The following RAB8B variants were observed in gnomAD, a reference collection of about 807,000 sequenced individuals.
RAB8B encodes ras-related protein Rab-8B.
In RAB8B, 11 loss-of-function variants were observed where a neutral mutation model predicts 32.0. That is an observed-to-expected ratio of 0.34 (90% CI 0.22 to 0.57). The LOEUF (loss-of-function observed/expected upper bound fraction) is 0.57. Among genes scored for constraint, RAB8B ranks in the 20% least tolerant of loss-of-function variants. RAB8B has a pLI of 0.86. For missense variants in RAB8B, 190 were observed against 258.5 expected (o/e 0.73, Z 1.82); for synonymous variants, 103 against 89.6 (o/e 1.15, Z -0.85).
intron 1 of RAB8B, among the ~76,000 whole-genome samples, chr15:63,198,046 G>A (rs146705833): frequency 1.0e-3 from 157 of 152,142 alleles, no homozygotes; most frequent in African/African-American, 3.6e-3. Flanking sequence ...GTTCAGTTTT[G>A]TGTTTTGGGA....
intron 1 of RAB8B, among the ~76,000 whole-genome samples, chr15:63,233,542 A>T (rs570881346): frequency 2.4e-4 from 36 of 152,384 alleles, no homozygotes; most frequent in African/African-American, 7.0e-4. Flanking sequence ...AAATTTCATT[A>T]ATCTAAATTC....
At chr15:63,233,645 A>T (rs1567016303) in intron 1 of RAB8B, among the ~76,000 whole-genome samples, 2 of 152,216 alleles carry the variant, frequency 1.3e-5, no homozygotes, top group Non-Finnish European at 2.9e-5. Flanking sequence ...AATCTTAAGG[A>T]GGTGAATGTA....
At chr15:63,253,139 G>A (rs2152581904) in intron 3 of RAB8B, among the ~76,000 whole-genome samples, 1 of 152,274 alleles carries the variant, frequency 6.6e-6, no homozygotes, top group African/African-American at 2.4e-5. Context: ...ATTTGAGGCT[G>A]GAAGAAGGGA....
chr15:63,194,734 G>T (rs2037586635), intron 1 of RAB8B, among the ~76,000 whole-genome samples: 1 of 152,112 alleles, frequency 6.6e-6, no homozygotes, highest in African/African-American at 2.4e-5. Context: ...AAAATCAGGG[G>T]TTAGCACACT....
At chr15:63,232,823 G>A (rs966219325) in intron 1 of RAB8B, among the ~76,000 whole-genome samples, 3 of 151,946 alleles carry the variant, frequency 2.0e-5, no homozygotes, top group African/African-American at 7.2e-5. Flanking sequence ...ATTTCACACT[G>A]TTGTTAAATG....
intron 1 of RAB8B, among the ~76,000 whole-genome samples, chr15:63,231,451 C>A (rs1206030884): frequency 1.3e-5 from 2 of 150,788 alleles, no homozygotes; most frequent in African/African-American, 4.9e-5. Flanking sequence ...ATGGTCTTCC[C>A]ATAGCAATAG....
intron 1 of RAB8B, among the ~76,000 whole-genome samples, chr15:63,197,709 C>G (rs1167901380): frequency 1.3e-5 from 2 of 152,040 alleles, no homozygotes. Flanking sequence ...AATATGTTGG[C>G]ATAGTATGTT....
At chr15:63,239,300 C>A (rs1167407693) in intron 1 of RAB8B, among the ~76,000 whole-genome samples, 1 of 151,956 alleles carries the variant, frequency 6.6e-6, no homozygotes, top group East Asian at 1.9e-4. Flanking sequence ...TGTTAATCCA[C>A]TACTGATATT....
intron 1 of RAB8B, among the ~76,000 whole-genome samples, chr15:63,207,613 G>A (rs936234784): frequency 6.6e-5 from 10 of 151,808 alleles, no homozygotes; most frequent in African/African-American, 2.2e-4. Context: ...AGGCTGGAGT[G>A]CAGTGGCGTG....
chr15:63,205,371 G>A (rs911213916), intron 1 of RAB8B, among the ~76,000 whole-genome samples: 39 of 152,024 alleles, frequency 2.6e-4, no homozygotes, highest in Non-Finnish European at 1.3e-4. Context: ...GTGATCATGC[G>A]CCTGTAGTCC....
intron 1 of RAB8B, among the ~76,000 whole-genome samples, chr15:63,205,475 G>A (rs2037690579): frequency 6.6e-6 from 1 of 152,046 alleles, no homozygotes; most frequent in African/African-American, 2.4e-5. Flanking sequence ...TCCAGCCTGG[G>A]CAACAAAGTG....
At chr15:63,214,730 C>T (rs2037777715) in intron 1 of RAB8B, among the ~76,000 whole-genome samples, 1 of 152,240 alleles carries the variant, frequency 6.6e-6, no homozygotes, top group South Asian at 2.1e-4. Flanking sequence ...GTTCATTTCT[C>T]TTTTTTAATG....
chr15:63,220,509 T>G (rs1412489059), intron 1 of RAB8B, among the ~76,000 whole-genome samples: 3 of 151,628 alleles, frequency 2.0e-5, no homozygotes, highest in African/African-American at 7.3e-5. Context: ...TAGAAGAGAG[T>G]ACAGTGTTCA....
intron 1 of RAB8B, among the ~76,000 whole-genome samples, chr15:63,230,482 A>G (rs1595742739): frequency 6.6e-6 from 1 of 152,014 alleles, no homozygotes; most frequent in Admixed American, 6.5e-5. Context: ...TTGTATTTTT[A>G]GTAGAGACAC....
At position 63,263,977 on chromosome 15, in the gene RAB8B, C is replaced by T. The variant is rs751167558; in HGVS notation, c.*358C>T. 3 of 173,914 alleles carry T rather than the reference C, an allele frequency of 1.7e-5. No individual in the cohort carries two copies. The highest frequency in any genetic ancestry group is 3.7e-5 in the Non-Finnish European group (3 of 80,802). 10.8% of individuals were successfully genotyped at this position (173,914 alleles called of 1,614,324 possible). On this transcript the variant is annotated 3_prime_UTR_variant, in exon 8 of 8. Transcript: ENST00000321437. The stretch of plus-strand genomic sequence containing the variant: ...GACTCATATTTGCACACTTTTGTGT[C>T]GTGAAGTTCTAGACAAATTTGTACA...
chr15:63,223,339 T>A (rs571756653), intron 1 of RAB8B, among the ~76,000 whole-genome samples: 18 of 152,314 alleles, frequency 1.2e-4, no homozygotes, highest in African/African-American at 3.8e-4. Context: ...CTCGAACTCC[T>A]GACCTCAGGT....
chr15:63,253,642 C>A (rs909577534), intron 3 of RAB8B, among the ~76,000 whole-genome samples: 4 of 151,138 alleles, frequency 2.6e-5, no homozygotes, highest in Non-Finnish European at 5.9e-5. Context: ...CATAGCGAGA[C>A]CTCATCTCTA....
chr15:63,261,988 G>A (rs892924093), intron 6 of RAB8B, among the ~76,000 whole-genome samples: 2 of 152,176 alleles, frequency 1.3e-5, no homozygotes, highest in East Asian at 1.9e-4. Flanking sequence ...GAATTTAGCC[G>A]AGAGCTCCAG....
At chr15:63,207,608 G>A (rs1275142439) in intron 1 of RAB8B, among the ~76,000 whole-genome samples, 1 of 151,616 alleles carries the variant, frequency 6.6e-6, no homozygotes, top group Non-Finnish European at 1.5e-5. Flanking sequence ...TCACCAGGCT[G>A]GAGTGCAGTG....
Sources: gnomAD v4.1 joint callset for allele counts (sites outside exome capture counted in the v4.1 genomes callset) on GRCh38, gnomAD v4.1.1 for gene constraint, MANE v1.5 for transcripts, NCBI Gene and HGNC (gene_info 2026-07-23, HGNC 2026-07-21) for gene names.